STXBP4: variants seen among roughly 807,000 people sequenced by gnomAD.
The protein encoded by STXBP4 is syntaxin-binding protein 4.
Under a neutral mutation model 76.1 loss-of-function variants are expected in STXBP4, and 55 were observed. That is an observed-to-expected ratio of 0.72 (90% CI 0.58 to 0.91). The LOEUF is 0.91. Ranked by LOEUF, STXBP4 falls within the 40% of genes least tolerant of loss-of-function variation. STXBP4 has a pLI of 0.00. For missense variants in STXBP4, 618 were observed against 636.9 expected (o/e 0.97, Z 0.32); for synonymous variants, 201 against 220.2 (o/e 0.91, Z 0.77).
chr17:55,187,675 G>A, the STXBP4 span, among the ~76,000 whole-genome samples: 5 of 152,304 alleles, frequency 3.3e-5, no homozygotes, highest in African/African-American at 1.2e-4. Flanking sequence ...TTCCCCCCAG[G>A]GAGGCTGCCA....
At chr17:55,060,659 T>A (rs981240687) in intron 12 of STXBP4, among the ~76,000 whole-genome samples, 1 of 152,204 alleles carries the variant, frequency 6.6e-6, no homozygotes, top group Non-Finnish European at 1.5e-5. Context: ...AAGAATTGGC[T>A]GTACTGTTCT....
At chr17:55,143,924 G>T (rs1430941701) in intron 17 of STXBP4, among the ~76,000 whole-genome samples, 1 of 151,356 alleles carries the variant, frequency 6.6e-6, no homozygotes, top group Non-Finnish European at 1.5e-5. Context: ...GTTAAAAGAG[G>T]CTGTAGTCAT....
chr17:55,057,619 A>G (rs574790230), intron 12 of STXBP4, among the ~76,000 whole-genome samples: 1 of 152,294 alleles, frequency 6.6e-6, no homozygotes, highest in South Asian at 2.1e-4. Context: ...TACATATCCC[A>G]TGGTGGTTTG....
At chr17:55,032,504 A>G (rs573847245) in intron 9 of STXBP4, among the ~76,000 whole-genome samples, 1 of 152,314 alleles carries the variant, frequency 6.6e-6, no homozygotes, top group Admixed American at 6.5e-5. Context: ...TGATTTAAGA[A>G]TTGAAGACAT....
chr17:55,143,572 T>C (rs1268257608), intron 17 of STXBP4, among the ~76,000 whole-genome samples: 2 of 152,182 alleles, frequency 1.3e-5, no homozygotes, highest in Non-Finnish European at 2.9e-5. Context: ...AAGCCACTGT[T>C]CTTTGCAGCC....
At chr17:55,068,768 A>G (rs1437211791) in intron 12 of STXBP4, among the ~76,000 whole-genome samples, 2 of 152,164 alleles carry the variant, frequency 1.3e-5, no homozygotes, top group Non-Finnish European at 2.9e-5. Context: ...ATTTTCCATT[A>G]TAAAAATGAG....
intron 11 of STXBP4, chr17:55,043,989 C>T (rs1380192405): frequency 1.4e-5 from 3 of 214,278 alleles, no homozygotes; most frequent in Non-Finnish European, 2.7e-5. Context: ...ACTGGGACAA[C>T]ATGTCCATGC....
At chr17:55,012,334 G>A (rs1018309427) in intron 8 of STXBP4, among the ~76,000 whole-genome samples, 3 of 152,078 alleles carry the variant, frequency 2.0e-5, no homozygotes, top group Admixed American at 6.5e-5. Context: ...TTTGTTTCCC[G>A]GAGGGCATTA....
At chr17:55,175,628 G>A (rs1482215297), downstream of STXBP4, among the ~76,000 whole-genome samples, 2 of 152,208 alleles carry the variant, frequency 1.3e-5, no homozygotes, top group Non-Finnish European at 2.9e-5. Context: ...ACTAGCAGGA[G>A]GCTGGAAGCT....
chr17:55,058,900 C>T (rs562634122), intron 12 of STXBP4, among the ~76,000 whole-genome samples: 6 of 152,050 alleles, frequency 3.9e-5, no homozygotes, highest in South Asian at 2.1e-4. Context: ...ACTGCTAATA[C>T]GAAACTTCTT....
the STXBP4 span, among the ~76,000 whole-genome samples, chr17:55,181,928 C>CA: frequency 1.3e-5 from 2 of 152,072 alleles, no homozygotes; most frequent in Admixed American, 1.3e-4. Context: ...TTTAAAGGCT[C>CA]AACATCCTAT....
At chr17:55,085,550 TC>T in intron 16 of STXBP4, among the ~76,000 whole-genome samples, 1 of 151,820 alleles carries the variant, frequency 6.6e-6, no homozygotes, top group Admixed American at 6.6e-5. Flanking sequence ...CTTCTAACAT[TC>T]CACCATCCCT....
chr17:55,043,197 C>G, intron 10 of STXBP4, 39 bp from the exon 11 acceptor site: 1 of 1,087,470 alleles, frequency 9.2e-7, no homozygotes, highest in African/African-American at 1.6e-5. Context: ...TAATTAGCAT[C>G]TAATGCACAA....
chr17:55,071,221 A>G (rs184199713), intron 12 of STXBP4, among the ~76,000 whole-genome samples: 373 of 152,222 alleles, frequency 2.5e-3, no homozygotes, highest in South Asian at 4.4e-3. Flanking sequence ...AAACCCTCCA[A>G]TCATTTCCCA....
chr17:55,058,914 A>T (rs151137361), intron 12 of STXBP4, among the ~76,000 whole-genome samples: 1 of 152,196 alleles, frequency 6.6e-6, no homozygotes, highest in East Asian at 1.9e-4. Flanking sequence ...ACTTCTTATC[A>T]AATTCACCAT....
chr17:55,121,928 T>G (rs540565557), intron 16 of STXBP4, among the ~76,000 whole-genome samples: 1 of 152,002 alleles, frequency 6.6e-6, no homozygotes, highest in East Asian at 1.9e-4. Context: ...GATCAGCCAC[T>G]TAACACCTAA....
chr17:55,077,765 G>T (rs978513030), intron 13 of STXBP4, among the ~76,000 whole-genome samples: 1 of 148,518 alleles, frequency 6.7e-6, no homozygotes, highest in African/African-American at 2.5e-5. Flanking sequence ...ATTAGTAGAG[G>T]TTTCTGTCAG....
At chr17:55,072,297 G>A (rs550672790) in intron 12 of STXBP4, among the ~76,000 whole-genome samples, 2 of 152,156 alleles carry the variant, frequency 1.3e-5, no homozygotes, top group South Asian at 4.1e-4. Flanking sequence ...GAAAAGACAC[G>A]TGATGCACCT....
chr17:55,080,727 T>G (rs1378398765), intron 15 of STXBP4, among the ~76,000 whole-genome samples: 2 of 152,032 alleles, frequency 1.3e-5, no homozygotes, highest in African/African-American at 4.8e-5. Context: ...CAGAACTAAA[T>G]AAAATTATAT....
Sources: gnomAD v4.1 joint callset for allele counts (sites outside exome capture counted in the v4.1 genomes callset) on GRCh38, gnomAD v4.1.1 for gene constraint, MANE v1.5 for transcripts, NCBI Gene and HGNC (gene_info 2026-07-23, HGNC 2026-07-21) for gene names.